Variants in BAIAP2 observed in about 807,000 individuals in gnomAD.
BAIAP2 encodes the protein BAR/IMD domain-containing adapter protein 2.
In BAIAP2, 18 loss-of-function variants were observed where a neutral mutation model predicts 63.0. That is an observed-to-expected ratio of 0.29 (90% confidence interval 0.20 to 0.42). BAIAP2 has a LOEUF of 0.42. Among genes scored for constraint, BAIAP2 ranks in the 10% least tolerant of loss-of-function variants. BAIAP2 has a pLI of 1.00. For missense variants in BAIAP2, 610 were observed against 734.3 expected, an observed-to-expected ratio of 0.83 and a Z score of 1.96; for synonymous variants, 386 against 307.6, an observed-to-expected ratio of 1.25 and a Z score of -2.67.
chr17:81,038,939 A>G (rs2046694152), intron 1 of BAIAP2, among the ~76,000 whole-genome samples: 1 of 152,136 alleles, frequency 6.6e-6, no homozygotes, highest in Non-Finnish European at 1.5e-5. Context: ...GAGGAGAGAA[A>G]TCACAGTGCT....
chr17:81,049,806 A>G (rs2048381880), intron 1 of BAIAP2, among the ~76,000 whole-genome samples: 1 of 152,252 alleles, frequency 6.6e-6, no homozygotes, highest in Admixed American at 6.5e-5. Context: ...CCCCCGGACC[A>G]GGACCTTGGC....
At chr17:81,077,596 A>T (rs372762421) in intron 3 of BAIAP2, among the ~76,000 whole-genome samples, 2 of 150,834 alleles carry the variant, frequency 1.3e-5, no homozygotes, top group Non-Finnish European at 2.9e-5. Context: ...GGTGAATTTT[A>T]TGTTATGTGA....
intron 3 of BAIAP2, among the ~76,000 whole-genome samples, chr17:81,077,602 T>C (rs552700361): frequency 3.5e-4 from 53 of 151,060 alleles, no homozygotes; most frequent in East Asian, 1.2e-3. Context: ...TTTTATGTTA[T>C]GTGAATTTTT....
intron 6 of BAIAP2, among the ~76,000 whole-genome samples, chr17:81,088,893 A>G (rs550006837): frequency 6.6e-6 from 1 of 152,180 alleles, no homozygotes; most frequent in Non-Finnish European, 1.5e-5. Flanking sequence ...GGGCTGTCGG[A>G]GCCACTCCCC....
intron 13 of BAIAP2, chr17:81,109,114 C>T: frequency 6.8e-7 from 1 of 1,466,398 alleles, no homozygotes; most frequent in South Asian, 1.4e-5. Flanking sequence ...TTCTTTTCCA[C>T]CTGCCCCATG....
rs542504895 is a variant in BAIAP2 at position 81,036,874 on chromosome 17, G to C, written c.54+1566G>C. The C allele has an allele frequency of 5.2e-6, 8 of 1,535,928 alleles. 1 individual carries two copies. The highest frequency in any genetic ancestry group is 4.9e-5 in the East Asian group (2 of 40,922). On this transcript the variant is annotated intron_variant, in intron 1 of 13. Coordinates refer to ENST00000428708, the MANE Select transcript of BAIAP2 (RefSeq NM_001144888.2). Reference sequence around the variant, plus strand: ...GTTTGTGATTGCAGAGGGTGGAAGAGAAGTACCAGCGGAACCTTTTTCCTA... The same window carrying C: ...GTTTGTGATTGCAGAGGGTGGAAGACAAGTACCAGCGGAACCTTTTTCCTA...
At chr17:81,039,014 C>T (rs187891079) in intron 1 of BAIAP2, among the ~76,000 whole-genome samples, 63 of 152,366 alleles carry the variant, frequency 4.1e-4, no homozygotes, top group African/African-American at 1.4e-3. Flanking sequence ...GCATGCAGTG[C>T]TTTGTGTTTA....
chr17:81,061,966 C>T (rs933804608), intron 3 of BAIAP2, among the ~76,000 whole-genome samples: 4 of 151,974 alleles, frequency 2.6e-5, no homozygotes, highest in Middle Eastern at 3.4e-3. Flanking sequence ...TTTTTGAGAC[C>T]GAATCTCACT....
At chr17:81,102,162 C>G (rs961915404) in intron 7 of BAIAP2, among the ~76,000 whole-genome samples, 1 of 152,190 alleles carries the variant, frequency 6.6e-6, no homozygotes. Context: ...CACTTAGAGA[C>G]GAGCCTCTGG....
At chr17:81,080,699 A>G (rs2054466597) in intron 3 of BAIAP2, among the ~76,000 whole-genome samples, 1 of 152,128 alleles carries the variant, frequency 6.6e-6, no homozygotes, top group African/African-American at 2.4e-5. Context: ...TGGTCTTGAC[A>G]TTCACTTATA....
At position 81,102,250 on chromosome 17, in the gene BAIAP2, C is replaced by T. The variant is rs550005073; in HGVS notation, c.643-1252C>T. 7.9e-5 allele frequency among the ~76,000 whole-genome samples: 12 copies of T among 152,190 alleles called. No homozygotes were observed. The East Asian group carries it at 9.7e-4, about 12-fold the overall frequency. On this transcript the variant is annotated intron_variant, in intron 7 of 13. Transcript: ENST00000428708. Reference sequence around the variant, plus strand: ...CTGGTGCTTGGGTTTGGGCCTGCCTCGGGGCTCTCAGGGTGCGGGGGTGAC... The same window carrying T: ...CTGGTGCTTGGGTTTGGGCCTGCCTTGGGGCTCTCAGGGTGCGGGGGTGAC...
At chr17:81,095,195 A>AGG (rs1216245513) in intron 6 of BAIAP2, among the ~76,000 whole-genome samples, 1 of 150,794 alleles carries the variant, frequency 6.6e-6, no homozygotes, top group African/African-American at 2.4e-5. Context: ...CGGGGACTGG[A>AGG]GGGGGCCAGC....
chr17:81,061,561 C>T (rs1033481973), intron 3 of BAIAP2, among the ~76,000 whole-genome samples: 1 of 152,148 alleles, frequency 6.6e-6, no homozygotes, highest in African/African-American at 2.4e-5. Flanking sequence ...CTCGGGTGTG[C>T]GTGGTTATTC....
intron 13 of BAIAP2, among the ~76,000 whole-genome samples, chr17:81,114,336 C>G (rs772120836): frequency 6.6e-6 from 1 of 152,010 alleles, no homozygotes; most frequent in Non-Finnish European, 1.5e-5. Flanking sequence ...GAACTCGGGC[C>G]ACAGAGCACT....
intron 6 of BAIAP2, chr17:81,097,979 G>A (rs1181985692): frequency 1.7e-5 from 10 of 579,668 alleles, no homozygotes; most frequent in Admixed American, 8.7e-5. Flanking sequence ...TGTCGGGCTG[G>A]GGTTCTGGAA....
intron 1 of BAIAP2, among the ~76,000 whole-genome samples, chr17:81,038,961 C>T (rs539461846): frequency 5.9e-5 from 9 of 152,310 alleles, no homozygotes; most frequent in East Asian, 5.8e-4. Flanking sequence ...GACCCAGCTC[C>T]GTGCGCGTGT....
intron 6 of BAIAP2, among the ~76,000 whole-genome samples, chr17:81,089,440 G>C (rs890350938): frequency 6.6e-6 from 1 of 152,242 alleles, no homozygotes; most frequent in Admixed American, 6.5e-5. Flanking sequence ...GGCCGCTGCT[G>C]GGTGCCCCAG....
intron 1 of BAIAP2, among the ~76,000 whole-genome samples, chr17:81,045,877 C>A: frequency 6.6e-6 from 1 of 152,178 alleles, no homozygotes; most frequent in East Asian, 1.9e-4. Flanking sequence ...CCTGACCCCC[C>A]GGGGAAGGGT....
chr17:81,035,263 G>T lies in BAIAP2; in HGVS notation c.9G>T (p.Leu3=), dbSNP rs376653954. The change falls in exon 1 of 14, where the codon CTG becomes CTT. Residue 3 remains leucine, a synonymous_variant. Coordinates refer to ENST00000428708, the MANE Select transcript of BAIAP2 (RefSeq NM_001144888.2). The part of the protein sequence containing the change: MS[L]SRSEEMHRLT... ...AGCCGGGACCCAGGACCATGTCTCT[G>T]TCTCGCTCAGAGGAGATGCACCGGC... 2.4e-5 allele frequency: 37 copies of T among 1,521,718 alleles called. No individual in the cohort carries two copies. The highest frequency in any genetic ancestry group is 3.3e-5 in the Non-Finnish European group (37 of 1,131,626). 94.3% of individuals were successfully genotyped at this position (1,521,718 alleles called of 1,614,324 possible). A position where few individuals can be genotyped will look rare whatever the true frequency, so the allele number is the denominator to read the frequency against.
Sources: gnomAD v4.1 joint callset for allele counts (sites outside exome capture counted in the v4.1 genomes callset) on GRCh38, gnomAD v4.1.1 for gene constraint, MANE v1.5 for transcripts, NCBI Gene and HGNC (gene_info 2026-07-23, HGNC 2026-07-21) for gene names.